Variants in SLC71A2 observed in about 807,000 individuals in gnomAD.
SLC71A2 encodes solute carrier family 71 member 2, also known as hippocampus abundant transcript-like 1.
the SLC71A2 span, chr9:94,432,607 A>G: frequency 5.7e-6 from 1 of 174,506 alleles, no homozygotes; most frequent in East Asian, 1.8e-4. Flanking sequence ...GCACCAGGCC[A>G]TGGGCCTTCC....
At chr9:94,418,992 C>T in the SLC71A2 span, among the ~76,000 whole-genome samples, 3 of 152,316 alleles carry the variant, frequency 2.0e-5, no homozygotes, top group East Asian at 5.8e-4. Context: ...TCTGGAAACA[C>T]TCAGAGACTC....
chr9:94,437,400 A>G, the SLC71A2 span, among the ~76,000 whole-genome samples: 1 of 149,474 alleles, frequency 6.7e-6, no homozygotes, highest in Admixed American at 6.7e-5. Flanking sequence ...TGGCCAGCCA[A>G]CAGAGTGACT....
chr9:94,397,360 A>G, the SLC71A2 span, among the ~76,000 whole-genome samples: 2 of 152,118 alleles, frequency 1.3e-5, no homozygotes, highest in African/African-American at 4.8e-5. Flanking sequence ...ACTTTGGGAC[A>G]CTGAGGCCAG....
chr9:94,436,491 G>C, the SLC71A2 span, among the ~76,000 whole-genome samples: 1 of 152,238 alleles, frequency 6.6e-6, no homozygotes, highest in Non-Finnish European at 1.5e-5. Context: ...TATGCCTGAA[G>C]CTAAACTTAC....
chr9:94,442,294 C>A, the SLC71A2 span, among the ~76,000 whole-genome samples: 1 of 152,158 alleles, frequency 6.6e-6, no homozygotes, highest in African/African-American at 2.4e-5. Flanking sequence ...TGGGTTACTA[C>A]TATTCCACAA....
At chr9:94,440,457 T>C in the SLC71A2 span, among the ~76,000 whole-genome samples, 1 of 151,910 alleles carries the variant, frequency 6.6e-6, no homozygotes, top group Non-Finnish European at 1.5e-5. Context: ...TTTTAAATAT[T>C]AAAATATTTT....
At chr9:94,408,090 G>A in the SLC71A2 span, among the ~76,000 whole-genome samples, 22 of 152,206 alleles carry the variant, frequency 1.4e-4, 1 homozygote, top group African/African-American at 3.6e-4. Flanking sequence ...ATAGGTGTGT[G>A]TAGGAAAAAA....
chr9:94,444,153 G>C, the SLC71A2 span, among the ~76,000 whole-genome samples: 1 of 152,300 alleles, frequency 6.6e-6, no homozygotes, highest in South Asian at 2.1e-4. Context: ...TTGACATTTA[G>C]TGTGGTTATA....
chr9:94,449,508 G>A, the SLC71A2 span, among the ~76,000 whole-genome samples: 5 of 152,160 alleles, frequency 3.3e-5, no homozygotes, highest in East Asian at 1.9e-4. Flanking sequence ...ATTACTAGCC[G>A]TCAAGGACAT....
the SLC71A2 span, among the ~76,000 whole-genome samples, chr9:94,396,542 A>G: frequency 6.6e-6 from 1 of 152,150 alleles, no homozygotes; most frequent in Non-Finnish European, 1.5e-5. Flanking sequence ...AAATGAAAAC[A>G]AAGTGGGGTG....
At chr9:94,395,010 T>C in the SLC71A2 span, among the ~76,000 whole-genome samples, 1 of 114,280 alleles carries the variant, frequency 8.8e-6, no homozygotes, top group Non-Finnish European at 1.8e-5. Flanking sequence ...ACCTCCTGGG[T>C]TCAGGTGATT....
chr9:94,455,343 A>ATT, the SLC71A2 span, among the ~76,000 whole-genome samples: 18 of 98,708 alleles, frequency 1.8e-4, no homozygotes, highest in Admixed American at 3.3e-4. Flanking sequence ...TAATATTTTG[A>ATT]TTTTTTTTTT....
the SLC71A2 span, among the ~76,000 whole-genome samples, chr9:94,406,156 C>T: frequency 0.021 from 2,622 of 126,536 alleles, 53 homozygotes; most frequent in African/African-American, 0.075. Context: ...CAAACTTGAA[C>T]TCCCAGTTTC....
chr9:94,452,238 A>C, the SLC71A2 span, among the ~76,000 whole-genome samples: 1 of 152,176 alleles, frequency 6.6e-6, no homozygotes, highest in Non-Finnish European at 1.5e-5. Flanking sequence ...AGAAATGAAA[A>C]TCTGTAACTG....
At chr9:94,435,570 C>T in the SLC71A2 span, among the ~76,000 whole-genome samples, 1 of 151,910 alleles carries the variant, frequency 6.6e-6, no homozygotes, top group Admixed American at 6.6e-5. Flanking sequence ...TCTTTCTTTG[C>T]CATGCTATCT....
chr9:94,434,677 G>T, the SLC71A2 span, among the ~76,000 whole-genome samples: 7 of 152,102 alleles, frequency 4.6e-5, no homozygotes, highest in South Asian at 8.3e-4. Flanking sequence ...AATAATAGTG[G>T]TCTTTCATTT....
the SLC71A2 span, among the ~76,000 whole-genome samples, chr9:94,435,471 A>G: frequency 6.6e-6 from 1 of 152,096 alleles, no homozygotes; most frequent in African/African-American, 2.4e-5. Flanking sequence ...TTTTCCCTCT[A>G]AATTATTCCT....
chr9:94,442,319 TA>T, the SLC71A2 span, among the ~76,000 whole-genome samples: 2 of 151,560 alleles, frequency 1.3e-5, no homozygotes, highest in South Asian at 2.1e-4. Flanking sequence ...CAACAATTTT[TA>T]ACTTGTTGAC....
the SLC71A2 span, among the ~76,000 whole-genome samples, chr9:94,457,706 A>G: frequency 2.6e-5 from 4 of 152,208 alleles, no homozygotes; most frequent in African/African-American, 4.8e-5. Context: ...ATACTTATTC[A>G]TGTCAATATA....
Sources: allele counts gnomAD v4.1 joint callset (sites outside exome capture counted in the v4.1 genomes callset), GRCh38; gene constraint gnomAD v4.1.1; transcripts MANE v1.5; gene names NCBI Gene and HGNC (gene_info 2026-07-23, HGNC 2026-07-21).